Variants in MEN1 observed in about 807,000 individuals in gnomAD.
MEN1 encodes menin 1.
Under a neutral mutation model 58.0 loss-of-function variants are expected in MEN1, and 6 were observed. The observed-to-expected ratio is 0.10, with a 90% CI of 0.06 to 0.20. MEN1 has a LOEUF of 0.20. MEN1 is among the 10% of genes least tolerant of loss of function. The probability of loss-of-function intolerance (pLI) is 1.00; values close to 1 mark genes in which losing one functional copy is unlikely to be tolerated. For missense variants in MEN1, 492 were observed against 818.5 expected, an observed-to-expected ratio of 0.60 and a Z score of 4.87; for synonymous variants, 346 against 350.7, an observed-to-expected ratio of 0.99 and a Z score of 0.15.
rs1311543240 is a variant in MEN1, at chr11:64,807,321, A to G, written c.784-102T>C. 1.0e-5 allele frequency: 14 copies of G among 1,399,244 alleles called. No individual in the cohort carries two copies. In the East Asian group the frequency reaches 1.9e-4, roughly 19 times the overall value. The allele number at this position is 1,399,244 out of a possible 1,614,324, so 86.7% of individuals were successfully genotyped here. A position where few individuals can be genotyped will look rare whatever the true frequency, so the allele number is the denominator to read the frequency against. The stretch of plus-strand genomic sequence containing the variant: ...GGGTCAGAACCAACAGGGACCACCC[A>G]CCATGTGGAAGGGCCAAAATTCTGG... On this transcript the variant is annotated intron_variant, in intron 4 of 9. Transcript: ENST00000450708. This position sits in a 1 kb window ranked among gnomAD's most constrained non-coding sequence, Gnocchi z 4.9.
intron 1 of MEN1, 91 bp downstream of exon 1, chr11:64,810,423 C>A: frequency 4.9e-6 from 2 of 410,196 alleles, no homozygotes; most frequent in South Asian, 3.4e-5. Flanking sequence ...TACGACTGTG[C>A]CCCCGGGGCT....
At chr11:64,808,756 T>G (rs550561329) in intron 2 of MEN1, among the ~76,000 whole-genome samples, 1 of 150,970 alleles carries the variant, frequency 6.6e-6, no homozygotes, top group Non-Finnish European at 1.5e-5. Flanking sequence ...CCATCCTGGC[T>G]AACATGGTGA....
intron 7 of MEN1, 132 bp from the exon 8 acceptor site, chr11:64,805,902 G>T: frequency 1.1e-6 from 1 of 921,864 alleles, no homozygotes; most frequent in Non-Finnish European, 1.8e-6. Flanking sequence ...AAATGATGCT[G>T]TCTGGGTCAG....
chr11:64,807,077 G>C lies in MEN1; in HGVS notation c.846C>G (p.Asn282Lys). 1 of 1,614,038 alleles carries C rather than the reference G, an allele frequency of 6.2e-7. No homozygotes were observed. The highest frequency in any genetic ancestry group is 8.5e-7 in the Non-Finnish European group (1 of 1,180,020). The change falls in exon 6 of 10, where the codon AAC (asparagine) becomes AAG (lysine). Residue 282 changes from asparagine to lysine, a missense_variant. Physicochemically the swap from Asn to Lys is moderately conservative, Grantham distance 94. Around this residue, in one of 5 missense-constraint regions of MEN1, gnomAD observed 335 missense variants for 550.3 expected, o/e 0.61. Transcript: ENST00000450708. The surrounding 1 kb of genome is among the most constrained non-coding windows in gnomAD (Gnocchi z 4.9). ...HLERYPMALGNLADLEELEPT... is the reference protein window; with the variant it reads ...HLERYPMALGKLADLEELEPT... ...GCTCCAGCTCCTCTAGATCTGCCAGGTTCCCTAAGGCCATGGGGTACCTAG... is the reference window on the plus strand; with the variant it reads ...GCTCCAGCTCCTCTAGATCTGCCAGCTTCCCTAAGGCCATGGGGTACCTAG...
rs1941719874 is a variant in MEN1, at chr11:64,806,276, C to G, written c.1005G>C (p.Arg335=). ...AGYHCRNRNV[R]EALQAWADTA... ...TGTCCGCCCAGGCCTGCAGGGCTTC[C>G]CGCACATTGCGGTTGCGACAGTGGT... Residue 335 remains arginine, a synonymous_variant, in exon 7 of 10, where the codon CGG becomes CGC. Coordinates refer to ENST00000450708, the MANE Select transcript of MEN1 (RefSeq NM_001370259.2). The G allele has an allele frequency of 6.2e-7, 1 of 1,614,092 alleles. No homozygotes were observed. The highest frequency in any genetic ancestry group is 8.5e-7 in the Non-Finnish European group (1 of 1,180,020).
chr11:64,804,625 G>A lies in MEN1; in HGVS notation c.1542C>T (p.Pro514=), dbSNP rs1592631827. ...CGACAGTCCCAGGAGGCTTCCGGGGGGGTCCTGACACTGCACCCTGGCCGG... is the reference window on the plus strand; with the variant it reads ...CGACAGTCCCAGGAGGCTTCCGGGGAGGTCCTGACACTGCACCCTGGCCGG... The part of the protein sequence containing the change: ...LGTGQGAVSG[P]PRKPPGTVAG... The change falls in exon 10 of 10, where the codon CCC becomes CCT. Residue 514 remains proline, a synonymous_variant. Coordinates refer to ENST00000450708, the MANE Select transcript of MEN1 (RefSeq NM_001370259.2). The surrounding 1 kb of genome is among the most constrained non-coding windows in gnomAD (Gnocchi z 4.2). The A allele has an allele frequency of 1.2e-6, 2 of 1,607,010 alleles. No homozygotes were observed. Among genetic ancestry groups the A allele is most frequent in the South Asian group, 1.1e-5 (1 of 90,930 alleles).
At position 64,808,055 on chromosome 11, in the gene MEN1, C is replaced by A. The variant is rs1311408888; in HGVS notation, c.490G>T (p.Ala164Ser). ...SSGVAFAVVG[A>S]CQALGLRDVH... ...TCCCGGAGACCCAGGGCCTGGCAGG[C>A]CCCAACCACAGCAAAGGCCACACCG... Residue 164 changes from alanine (A) to serine (S), a missense_variant, in exon 3 of 10, where the codon GCC becomes TCC. This residue lies in a region of MEN1 where 335 missense variants were observed against 550.3 expected (regional missense o/e 0.61). Transcript: ENST00000450708. 1 of 1,613,924 alleles carries A rather than the reference C, an allele frequency of 6.2e-7. No individual in the cohort carries two copies. Among genetic ancestry groups the A allele is most frequent in the Non-Finnish European group, 8.5e-7 (1 of 1,179,964 alleles).
chr11:64,806,908 T>C lies in MEN1; in HGVS notation c.912+103A>G, dbSNP rs930606412. On this transcript the variant is annotated intron_variant, in intron 6 of 9. Coordinates refer to ENST00000450708, the MANE Select transcript of MEN1 (RefSeq NM_001370259.2). ...ACACAAAGTGAGACTGGATGGGCGATACCCCCCAACACACAAAGTTCTCTT... is the reference window on the plus strand; with the variant it reads ...ACACAAAGTGAGACTGGATGGGCGACACCCCCCAACACACAAAGTTCTCTT... 11 of 1,012,690 alleles carry C rather than the reference T, an allele frequency of 1.1e-5. No homozygotes were observed. The African/African-American group carries it at 1.1e-4, about 10-fold the overall frequency. 62.7% of individuals were successfully genotyped at this position (1,012,690 alleles called of 1,614,324 possible).
rs1060499992 is a variant in MEN1, at chr11:64,809,764, C to T, written c.346G>A (p.Glu116Lys). The change falls in exon 2 of 10, where the codon GAG becomes AAG. Residue 116 changes from glutamate to lysine, a missense_variant. This residue lies in a region of MEN1 where 335 missense variants were observed against 550.3 expected (regional missense o/e 0.61). Coordinates refer to ENST00000450708, the MANE Select transcript of MEN1 (RefSeq NM_001370259.2). ...ACATCGGAGACCTTCTTCACCAGCTCACGGCTGGAGACACCCCCTTCTCGA... is the reference window on the plus strand; with the variant it reads ...ACATCGGAGACCTTCTTCACCAGCTTACGGCTGGAGACACCCCCTTCTCGA... ...YPREGGVSSR[E>K]LVKKVSDVIW... 1.2e-6 allele frequency: 2 copies of T among 1,613,992 alleles called. No homozygotes were observed. The highest frequency in any genetic ancestry group is 1.7e-6 in the Non-Finnish European group (2 of 1,180,034).
At chr11:64,806,083 C>A in intron 7 of MEN1, 149 bp downstream of exon 7, 1 of 1,021,732 alleles carries the variant, frequency 9.8e-7, no homozygotes, top group Non-Finnish European at 1.5e-6. Context: ...GGGTCCCTAC[C>A]TCCTGGGTAA....
At chr11:64,806,459 C>A in intron 6 of MEN1, 91 bp from the exon 7 acceptor site, 1 of 1,477,960 alleles carries the variant, frequency 6.8e-7, no homozygotes, top group Non-Finnish European at 9.5e-7. Context: ...CCAGAAGGGG[C>A]CACAGGAAGA....
rs1309344851 is a variant in MEN1, at chr11:64,806,381, G to A, written c.913-13C>T. The A allele has an allele frequency of 1.2e-6, 2 of 1,614,118 alleles. No individual in the cohort carries two copies. The highest frequency in any genetic ancestry group is 1.7e-6 in the Non-Finnish European group (2 of 1,179,966). On this transcript the variant is annotated splice_polypyrimidine_tract_variant and intron_variant, in intron 6 of 9. Transcript: ENST00000450708. ...CTGAGGCAATGCCCTGGATGGAGGTGAGGCAGAGGATCCTCAGGGAGGCAG... is the reference window on the plus strand; with the variant it reads ...CTGAGGCAATGCCCTGGATGGAGGTAAGGCAGAGGATCCTCAGGGAGGCAG...
chr11:64,809,822 C>T lies in MEN1; in HGVS notation c.288G>A (p.Gln96=), dbSNP rs2136185997. ...IAALYARFTA[Q]IRGAVDLSLY... is the part of the protein sequence containing the mutation. ...GGGACAGGTCGACGGCGCCTCGGAT[C>T]TGGGCGGTGAAGCGGGCATAGAGGG... Residue 96 remains glutamine, a synonymous_variant, in exon 2 of 10, where the codon CAG becomes CAA. Transcript: ENST00000450708. The T allele has an allele frequency of 6.2e-7, 1 of 1,613,162 alleles. No homozygotes were observed. The highest frequency in any genetic ancestry group is 2.2e-5 in the East Asian group (1 of 44,818).
Position 64,803,631 on chromosome 11 carries a change from G to GGAGGCTCCGA in MEN1, c.*702_*703insTCGGAGCCTC. 4.3e-6 allele frequency: 1 copy of GGAGGCTCCGA among 234,808 alleles called. No individual in the cohort carries two copies. The highest frequency in any genetic ancestry group is 2.2e-5 in the African/African-American group (1 of 45,422). 14.5% of individuals were successfully genotyped at this position (234,808 alleles called of 1,614,324 possible). A position where few individuals can be genotyped will look rare whatever the true frequency, so the allele number is the denominator to read the frequency against. On this transcript the variant is annotated 3_prime_UTR_variant, in exon 10 of 10. Coordinates refer to ENST00000450708, the MANE Select transcript of MEN1 (RefSeq NM_001370259.2). Reference sequence around the variant, plus strand: ...CCTAACCCTCTGCAGATTTCCTCCGGGATGCTCCGAGATGGGCTGGACCTC... The same window carrying GGAGGCTCCGA: ...CCTAACCCTCTGCAGATTTCCTCCGGGAGGCTCCGAGATGCTCCGAGATGGGCTGGACCTC...
Position 64,805,621 on chromosome 11 carries a change from C to T in MEN1, c.1185+14G>A, listed in dbSNP as rs1194562263. On this transcript the variant is annotated intron_variant, in intron 8 of 9. Coordinates refer to ENST00000450708, the MANE Select transcript of MEN1 (RefSeq NM_001370259.2). ...GTGGGAGGCTGGACACAGGCTGGAG[C>T]TCCAGCCTTTCACCTGGCTTTGCTC... is the stretch of plus-strand genomic sequence containing the variant. 6.2e-7 allele frequency: 1 copy of T among 1,612,782 alleles called. No homozygotes were observed.
At position 64,805,907 on chromosome 11, in the gene MEN1, G is replaced by T. The variant is rs564308513; in HGVS notation, c.1050-137C>A. Reference sequence around the variant, plus strand: ...CCTCACTGCAAAATGATGCTGTCTGGGTCAGCCCAGAGGAAGAAAGCAAGA... The same window carrying T: ...CCTCACTGCAAAATGATGCTGTCTGTGTCAGCCCAGAGGAAGAAAGCAAGA... On this transcript the variant is annotated intron_variant, in intron 7 of 9. Transcript: ENST00000450708. 5.1e-5 allele frequency: 46 copies of T among 898,346 alleles called. No homozygotes were observed. Among genetic ancestry groups the T allele is most frequent in the Non-Finnish European group, 8.4e-5 (46 of 549,532 alleles). The allele number at this position is 898,346 out of a possible 1,614,324, so 55.6% of individuals were successfully genotyped here. A position where few individuals can be genotyped will look rare whatever the true frequency, so the allele number is the denominator to read the frequency against.
Position 64,807,362 on chromosome 11 carries a change from G to A in MEN1, c.784-143C>T, listed in dbSNP as rs1941805946. 2 of 1,129,014 alleles carry A rather than the reference G, an allele frequency of 1.8e-6. No homozygotes were observed. The highest frequency in any genetic ancestry group is 2.0e-5 in the Admixed American group (1 of 50,446). 69.9% of individuals were successfully genotyped at this position (1,129,014 alleles called of 1,614,324 possible). A position where few individuals can be genotyped will look rare whatever the true frequency, so the allele number is the denominator to read the frequency against. On this transcript the variant is annotated intron_variant, in intron 4 of 9. Coordinates refer to ENST00000450708, the MANE Select transcript of MEN1 (RefSeq NM_001370259.2). This position sits in a 1 kb window ranked among gnomAD's most constrained non-coding sequence, Gnocchi z 4.9. ...AAAATTCTGGGACCAGCCCTTTAAT[G>A]GAGTCAAAGCAATTTCACATCTCAA...
At chr11:64,809,191 G>A (rs2136172312) in intron 2 of MEN1, among the ~76,000 whole-genome samples, 1 of 147,508 alleles carries the variant, frequency 6.8e-6, no homozygotes, top group Non-Finnish European at 1.5e-5. Context: ...TGAGCCCAGG[G>A]AGACTGAGGC....
rs104894266 is a variant in MEN1, at chr11:64,807,557, G to C, written c.778C>G (p.Gln260Glu). The C allele has an allele frequency of 6.2e-7, 1 of 1,614,132 alleles. No individual in the cohort carries two copies. The highest frequency in any genetic ancestry group is 8.5e-7 in the Non-Finnish European group (1 of 1,180,026). The change falls in exon 4 of 10, where the codon CAG becomes GAG. Residue 260 changes from glutamine to glutamate, a missense_variant. Physicochemically the swap from Gln to Glu is conservative, Grantham distance 29 (BLOSUM62 2). This residue lies in a region of MEN1 where 335 missense variants were observed against 550.3 expected (regional missense o/e 0.61). Transcript: ENST00000450708. This position sits in a 1 kb window ranked among gnomAD's most constrained non-coding sequence, Gnocchi z 4.9. ...HTDSLELLQL[Q>E]QKLLWLLYDL... ...CCCATTGGCTCAGCCCTCACCTGCT[G>C]CAGCTGCAGAAGCTCCAGCGAGTCG...
Sources: allele counts gnomAD v4.1 joint callset (sites outside exome capture counted in the v4.1 genomes callset), GRCh38; gene constraint gnomAD v4.1.1; regional missense constraint gnomAD v4.1.1; non-coding constraint Gnocchi (gnomAD v3.1); transcripts MANE v1.5; gene names NCBI Gene and HGNC (gene_info 2026-07-23, HGNC 2026-07-21).